The following TLN2 variants were observed in gnomAD, a reference collection of about 807,000 sequenced individuals.
The protein encoded by TLN2 is talin-2.
TLN2 carries 118 observed loss-of-function variants against 294.7 expected under a neutral mutation model. That is an observed-to-expected ratio of 0.40 (90% confidence interval 0.34 to 0.47). The LOEUF is 0.47. Ranked by LOEUF, TLN2 falls within the 20% of genes least tolerant of loss-of-function variation. TLN2 has a pLI of 0.84. For synonymous variants in TLN2, 1,431 were observed against 1,304.5 expected (o/e 1.10, Z -2.09); for missense variants, 3,083 against 3,282.2 (o/e 0.94, Z 1.48).
intron 9 of TLN2, among the ~76,000 whole-genome samples, chr15:62,667,504 T>G (rs1429696700): frequency 6.6e-6 from 1 of 152,202 alleles, no homozygotes; most frequent in Non-Finnish European, 1.5e-5. Context: ...ACTCTGCTGC[T>G]TTGTTTGTAT....
chr15:62,494,668 A>G (rs1470881606), intron 1 of TLN2, among the ~76,000 whole-genome samples: 1 of 152,142 alleles, frequency 6.6e-6, no homozygotes, highest in African/African-American at 2.4e-5. Context: ...TGCATATCAT[A>G]GGCTTATGTC....
chr15:62,682,482 T>G (rs2056922242), intron 11 of TLN2, among the ~76,000 whole-genome samples: 1 of 152,182 alleles, frequency 6.6e-6, no homozygotes, highest in South Asian at 2.1e-4. Context: ...AAATGTGCTT[T>G]GGAAAAGAAA....
At chr15:62,761,870 G>T (rs3825972) in intron 38 of TLN2, 49 bp downstream of exon 38, 122,343 of 1,606,920 alleles carry the variant, frequency 0.076, 6,795 homozygotes, top group Admixed American at 0.22. Flanking sequence ...GGCTAACTTT[G>T]TGTGGCACCA....
intron 2 of TLN2, among the ~76,000 whole-genome samples, chr15:62,603,309 C>A (rs1275268339): frequency 6.6e-6 from 1 of 152,110 alleles, no homozygotes; most frequent in African/African-American, 2.4e-5. Context: ...TGTGTGTAAG[C>A]AAATGTGTGC....
At chr15:62,405,281 C>G (rs901066291) in intron 1 of TLN2, among the ~76,000 whole-genome samples, 5 of 152,098 alleles carry the variant, frequency 3.3e-5, no homozygotes, top group Admixed American at 3.3e-4. Context: ...GAATCGGGAG[C>G]CCTAGGGAGG....
At position 62,776,796 on chromosome 15, in the gene TLN2, C is replaced by A. The variant is rs145072613; in HGVS notation, c.5400C>A (p.Ala1800=). The part of the protein sequence containing the change: ...AQHTHDAITE[A]AQLMKEAVDD... ...ACACCCATGACGCCATCACAGAGGC[C>A]GCCCAGTTGATGAAGGAAGCCGTGG... The change falls in exon 43 of 59, where the codon GCC becomes GCA. Residue 1800 remains alanine (A), a synonymous_variant. Transcript: ENST00000636159. 4.1e-5 allele frequency: 65 copies of A among 1,593,522 alleles called. 1 individual carries two copies. In the South Asian group the frequency reaches 5.3e-4, roughly 13 times the overall value.
intron 1 of TLN2, among the ~76,000 whole-genome samples, chr15:62,524,422 G>T (rs1422896683): frequency 6.6e-6 from 1 of 152,158 alleles, no homozygotes; most frequent in Non-Finnish European, 1.5e-5. Context: ...GCATGGACCT[G>T]CCTCATCGGG....
intron 11 of TLN2, among the ~76,000 whole-genome samples, chr15:62,683,777 G>C (rs2057061648): frequency 6.6e-6 from 1 of 152,180 alleles, no homozygotes; most frequent in Admixed American, 6.5e-5. Flanking sequence ...GTCTACTGGA[G>C]ATAAAAGGAA....
At chr15:62,594,898 G>A (rs890160349) in intron 2 of TLN2, among the ~76,000 whole-genome samples, 1 of 152,148 alleles carries the variant, frequency 6.6e-6, no homozygotes, top group African/African-American at 2.4e-5. Context: ...TGTAAATCAT[G>A]CATCTGATAA....
intron 1 of TLN2, among the ~76,000 whole-genome samples, chr15:62,472,097 T>C (rs2037510549): frequency 6.6e-6 from 1 of 152,186 alleles, no homozygotes; most frequent in South Asian, 2.1e-4. Flanking sequence ...TGTTCCCACC[T>C]TTCCCATGCA....
At chr15:62,454,980 C>T (rs555426341) in intron 1 of TLN2, among the ~76,000 whole-genome samples, 7 of 152,248 alleles carry the variant, frequency 4.6e-5, no homozygotes, top group South Asian at 2.1e-4. Flanking sequence ...TTCCTCCCCC[C>T]GGGGGGCTGA....
chr15:62,701,877 G>T (rs2141099351), intron 17 of TLN2, 115 bp from the exon 18 acceptor site: 2 of 1,179,780 alleles, frequency 1.7e-6, no homozygotes, highest in African/African-American at 1.5e-5. Flanking sequence ...TGTGAAGCTT[G>T]GTGTCTGACT....
intron 37 of TLN2, among the ~76,000 whole-genome samples, chr15:62,760,816 T>C (rs2062615688): frequency 6.6e-6 from 1 of 152,172 alleles, no homozygotes; most frequent in Non-Finnish European, 1.5e-5. Context: ...TTTTTTTTAA[T>C]TATGAAGCAT....
At chr15:62,784,016 C>T in intron 45 of TLN2, 126 bp downstream of exon 45, 3 of 1,496,970 alleles carry the variant, frequency 2.0e-6, no homozygotes, top group Non-Finnish European at 1.8e-6. Context: ...CAGTTTATTT[C>T]CCCACCACTG....
chr15:62,591,127 A>G (rs2046043996), intron 2 of TLN2, among the ~76,000 whole-genome samples: 1 of 152,230 alleles, frequency 6.6e-6, no homozygotes, highest in Non-Finnish European at 1.5e-5. Context: ...AATAACTACC[A>G]TCTACTAATA....
Position 62,565,907 on chromosome 15 carries a change from T to C in TLN2, c.-237-23780T>C, listed in dbSNP as rs527387452. Among the ~76,000 whole-genome samples, 4 of 135,890 alleles carry C rather than the reference T, an allele frequency of 2.9e-5. No individual in the cohort carries two copies. The East Asian group carries it at 9.6e-4, about 33-fold the overall frequency. The allele number at this position is 135,890 out of a possible 152,430, so 89.1% of individuals were successfully genotyped here. A position where few individuals can be genotyped will look rare whatever the true frequency, so the allele number is the denominator to read the frequency against. ...GGAGTTGGATGGCTCTACTGTTTAC[T>C]AGCTGTGTGTGTGTGTGTGTGTGTG... On this transcript the variant is annotated intron_variant, in intron 1 of 58. Coordinates refer to ENST00000636159, the MANE Select transcript of TLN2 (RefSeq NM_015059.3).
At chr15:62,577,268 AC>A in intron 1 of TLN2, among the ~76,000 whole-genome samples, 1 of 152,070 alleles carries the variant, frequency 6.6e-6, no homozygotes, top group South Asian at 2.1e-4. Context: ...ACATGGAGAA[AC>A]CCCATCTCTA....
intron 1 of TLN2, among the ~76,000 whole-genome samples, chr15:62,391,403 C>T (rs947920720): frequency 2.6e-5 from 4 of 152,262 alleles, no homozygotes; most frequent in Admixed American, 2.6e-4. Flanking sequence ...CACACAGACT[C>T]AGCGGCTCCC....
chr15:62,701,158 A>T lies in TLN2; in HGVS notation c.1640A>T (p.His547Leu). The T allele has an allele frequency of 1.2e-6, 2 of 1,614,150 alleles. No homozygotes were observed. The highest frequency in any genetic ancestry group is 1.7e-6 in the Non-Finnish European group (2 of 1,180,034). The change falls in exon 17 of 59, where the codon CAT (histidine) becomes CTT (leucine). Residue 547 changes from histidine (H) to leucine (L), a missense_variant. Physicochemically the swap from His to Leu is moderately conservative, Grantham distance 99 (BLOSUM62 -3). Transcript: ENST00000636159. Reference sequence around the variant, plus strand: ...GTCGACGAATCCAAACACGAAATCCATTCTCAAGTTGATGCTATCACGGCC... The same window carrying T: ...GTCGACGAATCCAAACACGAAATCCTTTCTCAAGTTGATGCTATCACGGCC... ...NKVDESKHEI[H>L]SQVDAITAGT...
Sources: allele counts gnomAD v4.1 joint callset (sites outside exome capture counted in the v4.1 genomes callset), GRCh38; gene constraint gnomAD v4.1.1; transcripts MANE v1.5; gene names NCBI Gene and HGNC (gene_info 2026-07-23, HGNC 2026-07-21).